Variants in SIPA1L1 observed in about 807,000 individuals in gnomAD.
The protein encoded by SIPA1L1 is signal-induced proliferation-associated 1-like protein 1.
In SIPA1L1, 26 loss-of-function variants were observed where a neutral mutation model predicts 162.7. The ratio of observed to expected loss-of-function variants is 0.16; its 90% CI spans 0.12 to 0.22. The LOEUF (loss-of-function observed/expected upper bound fraction) is 0.22. Among genes scored for constraint, SIPA1L1 ranks in the 10% least tolerant of loss-of-function variants. The probability of loss-of-function intolerance (pLI) is 1.00; values close to 1 mark genes in which losing one functional copy is unlikely to be tolerated. For synonymous variants in SIPA1L1, 829 were observed against 837.4 expected (o/e 0.99, Z 0.17); for missense variants, 1,874 against 2,241.0 (o/e 0.84, Z 3.31).
At chr14:71,542,025 G>A (rs1031787462) in intron 4 of SIPA1L1, among the ~76,000 whole-genome samples, 1 of 152,058 alleles carries the variant, frequency 6.6e-6, no homozygotes, top group Admixed American at 6.5e-5. Flanking sequence ...GCACGACCAT[G>A]GATCCAACCT....
intron 2 of SIPA1L1, among the ~76,000 whole-genome samples, chr14:71,439,296 C>T (rs909568160): frequency 1.3e-5 from 2 of 152,080 alleles, no homozygotes; most frequent in Non-Finnish European, 2.9e-5. Flanking sequence ...TCTTCACTAC[C>T]GTCTTCTTCA....
chr14:71,642,188 T>C (rs2041781014), intron 7 of SIPA1L1, among the ~76,000 whole-genome samples: 1 of 152,198 alleles, frequency 6.6e-6, no homozygotes, highest in South Asian at 2.1e-4. Flanking sequence ...ATTGATTGCT[T>C]GGGAGATGGG....
chr14:71,593,883 T>C (rs1367047817), intron 5 of SIPA1L1, among the ~76,000 whole-genome samples: 1 of 152,180 alleles, frequency 6.6e-6, no homozygotes, highest in African/African-American at 2.4e-5. Context: ...GAAGATGCTG[T>C]GATAGGGAAG....
chr14:71,675,944 TATATA>T (rs892928478), intron 12 of SIPA1L1, among the ~76,000 whole-genome samples: 2 of 152,122 alleles, frequency 1.3e-5, no homozygotes, highest in East Asian at 3.9e-4. Context: ...GCTTTTAAAA[TATATA>T]TAATAGTTCA....
intron 4 of SIPA1L1, among the ~76,000 whole-genome samples, chr14:71,547,023 C>T (rs548053981): frequency 2.3e-3 from 354 of 152,078 alleles, no homozygotes; most frequent in African/African-American, 8.0e-3. Context: ...TAGCCAGAAG[C>T]GTAGTTGTCA....
intron 2 of SIPA1L1, among the ~76,000 whole-genome samples, chr14:71,492,397 A>G (rs2049355483): frequency 1.3e-5 from 2 of 152,212 alleles, no homozygotes; most frequent in African/African-American, 4.8e-5. Context: ...TGGGGTTTAC[A>G]GGTGACAATT....
intron 16 of SIPA1L1, among the ~76,000 whole-genome samples, chr14:71,709,007 TAA>T (rs548440004): frequency 1.4e-5 from 2 of 144,018 alleles, no homozygotes; most frequent in East Asian, 2.0e-4. Context: ...AAAAATAGAT[TAA>T]AAAAAAAAAA....
At chr14:71,442,658 T>C (rs189881419) in intron 2 of SIPA1L1, among the ~76,000 whole-genome samples, 1 of 152,320 alleles carries the variant, frequency 6.6e-6, no homozygotes, top group African/African-American at 2.4e-5. Flanking sequence ...CTAAGTGTGG[T>C]GGCTCATGCC....
chr14:71,403,965 GCA>G (rs529777184), intron 2 of SIPA1L1, among the ~76,000 whole-genome samples: 1 of 151,466 alleles, frequency 6.6e-6, no homozygotes, highest in Admixed American at 6.6e-5. Context: ...TCCCTTGACT[GCA>G]CACACACACA....
intron 7 of SIPA1L1, among the ~76,000 whole-genome samples, chr14:71,640,110 G>A (rs1006226254): frequency 7.9e-5 from 12 of 152,022 alleles, no homozygotes; most frequent in African/African-American, 2.9e-4. Flanking sequence ...CACCATGTTG[G>A]CCAAGCTGGT....
At position 71,675,002 on chromosome 14, in the gene SIPA1L1, A is replaced by G. The variant is rs368320135; in HGVS notation, c.3104+2380A>G. Among the ~76,000 whole-genome samples, 31 of 152,290 alleles carry G rather than the reference A, an allele frequency of 2.0e-4. 1 individual carries two copies. In the East Asian group the frequency reaches 4.8e-3, roughly 24 times the overall value. ...TAGAGCACAGATCCTTTCCTTATAC[A>G]CTAGAATCAGCAGTGATGTGCTGGT... On this transcript the variant is annotated intron_variant, in intron 12 of 23. Transcript: ENST00000381232.
chr14:71,363,194 C>T (rs574497782), intron 2 of SIPA1L1, among the ~76,000 whole-genome samples: 1 of 152,272 alleles, frequency 6.6e-6, no homozygotes, highest in East Asian at 1.9e-4. Context: ...AGCTTAAAGA[C>T]ATGGATGGTT....
chr14:71,408,137 G>A (rs1176568717), intron 2 of SIPA1L1, among the ~76,000 whole-genome samples: 1 of 152,142 alleles, frequency 6.6e-6, no homozygotes, highest in Admixed American at 6.5e-5. Flanking sequence ...GTTTTGAGAA[G>A]ACAATAATAT....
intron 8 of SIPA1L1, among the ~76,000 whole-genome samples, chr14:71,656,878 A>G (rs1053571071): frequency 5.3e-5 from 8 of 152,170 alleles, no homozygotes; most frequent in Admixed American, 1.3e-4. Context: ...GTGAGGCCCT[A>G]TACCCACTGA....
intron 2 of SIPA1L1, among the ~76,000 whole-genome samples, chr14:71,327,103 C>T (rs1363525224): frequency 1.6e-5 from 2 of 126,634 alleles, no homozygotes; most frequent in Non-Finnish European, 3.3e-5. Context: ...TTTTTTGAGA[C>T]GGAGTTTTTG....
At chr14:71,493,952 G>T (rs2049506344) in intron 2 of SIPA1L1, among the ~76,000 whole-genome samples, 1 of 152,236 alleles carries the variant, frequency 6.6e-6, no homozygotes, top group Non-Finnish European at 1.5e-5. Flanking sequence ...CCGTGGTTCA[G>T]TCTTTACCAT....
chr14:71,449,845 A>G (rs1205000633), intron 2 of SIPA1L1, among the ~76,000 whole-genome samples: 2 of 152,168 alleles, frequency 1.3e-5, no homozygotes, highest in African/African-American at 4.8e-5. Flanking sequence ...TTGTAGGTAT[A>G]CTTTGGCAGA....
At chr14:71,362,041 T>C (rs569204147) in intron 2 of SIPA1L1, among the ~76,000 whole-genome samples, 2 of 152,292 alleles carry the variant, frequency 1.3e-5, no homozygotes, top group East Asian at 3.9e-4. Context: ...GTCACATGTT[T>C]AGAAGTTCAC....
At chr14:71,452,302 T>G (rs569105313) in intron 2 of SIPA1L1, among the ~76,000 whole-genome samples, 1 of 152,186 alleles carries the variant, frequency 6.6e-6, no homozygotes, top group Non-Finnish European at 1.5e-5. Context: ...TAATATAATA[T>G]GTACTCTTTG....
Sources: allele counts gnomAD v4.1 joint callset (sites outside exome capture counted in the v4.1 genomes callset), GRCh38; gene constraint gnomAD v4.1.1; transcripts MANE v1.5; gene names NCBI Gene and HGNC (gene_info 2026-07-23, HGNC 2026-07-21).